The following PDE4D variants were observed in gnomAD, a reference collection of about 807,000 sequenced individuals.
The protein encoded by PDE4D is phosphodiesterase 4D.
Under a neutral mutation model 87.4 loss-of-function variants are expected in PDE4D, and 24 were observed. The ratio of observed to expected loss-of-function variants is 0.27; its 90% CI spans 0.20 to 0.39. The LOEUF is 0.39. Ranked by LOEUF, PDE4D falls within the 10% of genes least tolerant of loss-of-function variation. PDE4D has a pLI of 1.00. For missense variants in PDE4D, 714 were observed against 1,041.0 expected (o/e 0.69, Z 4.32); for synonymous variants, 384 against 383.2 (o/e 1.00, Z -0.02).
chr5:59,138,003 G>C (rs528972191), intron 5 of PDE4D, among the ~76,000 whole-genome samples: 13 of 152,184 alleles, frequency 8.5e-5, no homozygotes, highest in Non-Finnish European at 1.5e-4. Flanking sequence ...TGTTGTGAAA[G>C]GCACAATAGC....
intron 1 of PDE4D, among the ~76,000 whole-genome samples, chr5:59,267,700 AAAG>A (rs1257797353): frequency 1.3e-5 from 2 of 152,152 alleles, no homozygotes; most frequent in African/African-American, 2.4e-5. Flanking sequence ...GAATTTAAGC[AAAG>A]AAGATTTGTA....
At chr5:60,227,673 T>A (rs1745288013) in intron 1 of PDE4D, among the ~76,000 whole-genome samples, 1 of 150,168 alleles carries the variant, frequency 6.7e-6, no homozygotes, top group Non-Finnish European at 1.5e-5. Context: ...GAAGGAAGGG[T>A]TTTACTTTTG....
chr5:59,140,379 G>A (rs1777714197), intron 5 of PDE4D, among the ~76,000 whole-genome samples: 2 of 152,178 alleles, frequency 1.3e-5, no homozygotes, highest in African/African-American at 2.4e-5. Context: ...CCTGCACATT[G>A]GGTCTAATTA....
rs987557676 is a variant in PDE4D, at chr5:59,382,290, G to A, written c.456-166322C>T. 1.5e-4 allele frequency among the ~76,000 whole-genome samples: 23 copies of A among 151,972 alleles called. No individual in the cohort carries two copies. The East Asian group carries it at 1.9e-3, about 13-fold the overall frequency. On this transcript the variant is annotated intron_variant, in intron 1 of 14. Coordinates refer to ENST00000340635, the MANE Select transcript of PDE4D (RefSeq NM_001104631.2). ...CCAAATATATACAACAACAACAACC[G>A]AATGGGTGGTGAAACATATTACTTA...
intron 2 of PDE4D, among the ~76,000 whole-genome samples, chr5:60,134,398 G>A (rs1779850909): frequency 2.0e-5 from 3 of 152,094 alleles, no homozygotes; most frequent in South Asian, 2.1e-4. Context: ...CTAACTACTA[G>A]GGAGGCTGAG....
At chr5:59,440,154 T>C (rs1044815317) in intron 1 of PDE4D, among the ~76,000 whole-genome samples, 2 of 152,226 alleles carry the variant, frequency 1.3e-5, no homozygotes, top group Non-Finnish European at 2.9e-5. Flanking sequence ...TAATTTAATA[T>C]ATGCAATTGT....
chr5:59,126,161 A>AGAAGGAAGGAAGGAAAAAAG (rs1775374308), intron 5 of PDE4D, among the ~76,000 whole-genome samples: 1 of 151,770 alleles, frequency 6.6e-6, no homozygotes, highest in Non-Finnish European at 1.5e-5. Flanking sequence ...AAGGAAGGGA[A>AGAAGGAAGGAAGGAAAAAAG]GAAGGAAGGA....
intron 1 of PDE4D, among the ~76,000 whole-genome samples, chr5:60,422,275 T>A (rs191671625): frequency 0.023 from 3,477 of 152,054 alleles, 119 homozygotes; most frequent in African/African-American, 0.08. Context: ...AAGGAAAAAA[T>A]GTTAAGGGCA....
At chr5:59,860,497 G>T (rs1485702050) in intron 1 of PDE4D, among the ~76,000 whole-genome samples, 1 of 152,072 alleles carries the variant, frequency 6.6e-6, no homozygotes, top group Non-Finnish European at 1.5e-5. Context: ...AGCTACTATT[G>T]TAATAATTTA....
In PDE4D at chr5:59,023,941, C is replaced by T. The variant is rs1228460085; in HGVS notation, c.921+14918G>A. Among the ~76,000 whole-genome samples, 7 of 144,194 alleles carry T rather than the reference C, an allele frequency of 4.9e-5. No individual in the cohort carries two copies. The South Asian group carries it at 6.6e-4, about 14-fold the overall frequency. The allele number at this position is 144,194 out of a possible 152,430, so 94.6% of individuals were successfully genotyped here. On this transcript the variant is annotated intron_variant, in intron 6 of 14. Transcript: ENST00000340635. ...TTTTTGAGATGGAGTCTCACTCAGT[C>T]GCCCAGACTGGAGTGCAGTGGCGCC...
chr5:60,010,737 T>C (rs1344645563), intron 2 of PDE4D, among the ~76,000 whole-genome samples: 1 of 152,176 alleles, frequency 6.6e-6, no homozygotes, highest in Non-Finnish European at 1.5e-5. Flanking sequence ...GATAGCTATC[T>C]AATGTGCAAT....
intron 1 of PDE4D, among the ~76,000 whole-genome samples, chr5:59,296,320 T>TTTCAGGCC (rs936405635): frequency 1.3e-5 from 2 of 152,088 alleles, no homozygotes; most frequent in African/African-American, 2.4e-5. Context: ...ATGGTAAACA[T>TTTCAGGCC]TTCAGGCCTT....
At chr5:59,351,926 T>C (rs963222630) in intron 1 of PDE4D, among the ~76,000 whole-genome samples, 4 of 152,142 alleles carry the variant, frequency 2.6e-5, no homozygotes, top group Non-Finnish European at 5.9e-5. Flanking sequence ...ATTTTTTTCC[T>C]TGTGTGCTGA....
At chr5:59,834,271 T>C (rs1248757419) in intron 1 of PDE4D, among the ~76,000 whole-genome samples, 1 of 151,680 alleles carries the variant, frequency 6.6e-6, no homozygotes, top group Non-Finnish European at 1.5e-5. Flanking sequence ...AATGCCATGC[T>C]CCCCCCACTC....
At chr5:59,249,023 A>C (rs1759415899) in intron 1 of PDE4D, among the ~76,000 whole-genome samples, 1 of 152,112 alleles carries the variant, frequency 6.6e-6, no homozygotes, top group Non-Finnish European at 1.5e-5. Context: ...AAACACCATG[A>C]ACAAAAGTAA....
intron 2 of PDE4D, among the ~76,000 whole-genome samples, chr5:59,991,926 AAAG>A (rs1763044627): frequency 6.6e-6 from 1 of 152,208 alleles, no homozygotes. Flanking sequence ...GGGTGTTACC[AAAG>A]AAGATTAACA....
Position 59,112,973 on chromosome 5 carries a change from G to T in PDE4D, c.808+67622C>A, listed in dbSNP as rs1192915133. Reference sequence around the variant, plus strand: ...GCACCACCACGCATGGCTAATTTTTGTATTTTTAGTAGCGATGGGGTTTCT... The same window carrying T: ...GCACCACCACGCATGGCTAATTTTTTTATTTTTAGTAGCGATGGGGTTTCT... On this transcript the variant is annotated intron_variant, in intron 5 of 14. Transcript: ENST00000340635. Among the ~76,000 whole-genome samples, 7 of 151,944 alleles carry T rather than the reference G, an allele frequency of 4.6e-5. No individual in the cohort carries two copies. The East Asian group carries it at 1.4e-3, about 29-fold the overall frequency.
intron 1 of PDE4D, among the ~76,000 whole-genome samples, chr5:59,818,870 TA>T (rs11305744): frequency 0.38 from 54,516 of 141,750 alleles, 11,582 homozygotes; most frequent in Admixed American, 0.5. Flanking sequence ...AAAAAGTAGA[TA>T]AAAAAAAAAA....
chr5:59,324,636 G>A (rs1314048701), intron 1 of PDE4D, among the ~76,000 whole-genome samples: 5 of 152,028 alleles, frequency 3.3e-5, no homozygotes, highest in South Asian at 2.1e-4. Context: ...CAGACATCTC[G>A]AGTTTACAGG....
Sources: allele counts gnomAD v4.1 joint callset (sites outside exome capture counted in the v4.1 genomes callset), GRCh38; gene constraint gnomAD v4.1.1; transcripts MANE v1.5; gene names NCBI Gene and HGNC (gene_info 2026-07-23, HGNC 2026-07-21).